The following GPATCH8 variants were observed in gnomAD, a reference collection of about 807,000 sequenced individuals.
GPATCH8 encodes the protein G-patch domain containing 8.
Under a neutral mutation model 118.3 loss-of-function variants are expected in GPATCH8, and 18 were observed. That is an observed-to-expected ratio of 0.15 (90% confidence interval 0.11 to 0.23). GPATCH8 has a LOEUF of 0.23. Ranked by LOEUF, GPATCH8 falls within the 10% of genes least tolerant of loss-of-function variation. The pLI, the probability that GPATCH8 is intolerant of heterozygous loss-of-function variation, is 1.00. For missense variants in GPATCH8, 1,631 were observed against 1,873.8 expected, an observed-to-expected ratio of 0.87 and a Z score of 2.39; for synonymous variants, 659 against 684.7, an observed-to-expected ratio of 0.96 and a Z score of 0.59.
chr17:44,464,960 A>G (rs2051703359), intron 2 of GPATCH8: 1 of 187,462 alleles, frequency 5.3e-6, no homozygotes, highest in Admixed American at 5.5e-5. Flanking sequence ...GAAAATCTAC[A>G]CTGTGTTTAG....
chr17:44,488,817 T>A (rs1370114613), intron 1 of GPATCH8, among the ~76,000 whole-genome samples: 1 of 151,676 alleles, frequency 6.6e-6, no homozygotes, highest in Admixed American at 6.6e-5. Flanking sequence ...CCAGGCACGG[T>A]GGCTCATGCC....
intron 5 of GPATCH8, among the ~76,000 whole-genome samples, chr17:44,431,928 T>C (rs1294067770): frequency 6.6e-6 from 1 of 151,834 alleles, no homozygotes; most frequent in African/African-American, 2.4e-5. Flanking sequence ...CCCATCTCTA[T>C]AAAATTAGAG....
rs201298844 is a variant in GPATCH8 at position 44,401,034 on chromosome 17, T to C, written c.1043A>G (p.Asp348Gly). 90 of 1,613,932 alleles carry C rather than the reference T, an allele frequency of 5.6e-5. No individual in the cohort carries two copies. Among genetic ancestry groups the C allele is most frequent in the Non-Finnish European group, 7.5e-5 (88 of 1,179,988 alleles). ...ATCAAGATTACTGCTCCCATCAGAG[T>C]CTCCTACCTTCTGCAGTCCTTGGTC... The part of the protein sequence containing the change: ...SSDQGLQKVG[D>G]SDGSSNLDGK... Residue 348 changes from aspartate to glycine, a missense_variant, in exon 8 of 8, where the codon GAC becomes GGC. Around this residue, in one of 8 missense-constraint regions of GPATCH8, gnomAD observed 405 missense variants for 462.7 expected, o/e 0.88. Coordinates refer to ENST00000591680, the MANE Select transcript of GPATCH8 (RefSeq NM_001002909.4).
chr17:44,414,463 A>T (rs1279807164), intron 6 of GPATCH8, among the ~76,000 whole-genome samples: 1 of 152,048 alleles, frequency 6.6e-6, no homozygotes, highest in East Asian at 1.9e-4. Flanking sequence ...GCACTCCATC[A>T]TGCCCTGCTA....
In GPATCH8 at chr17:44,396,853, C is replaced by G; in HGVS notation, c.*715G>C. 1 of 454,398 alleles carries G rather than the reference C, an allele frequency of 2.2e-6. No homozygotes were observed. Among genetic ancestry groups the G allele is most frequent in the South Asian group, 1.6e-5 (1 of 64,464 alleles). The allele number at this position is 454,398 out of a possible 1,614,324, so 28.1% of individuals were successfully genotyped here. A position where few individuals can be genotyped will look rare whatever the true frequency, so the allele number is the denominator to read the frequency against. ...ATACCCTTCACTTTAGACACATGAG[C>G]TCCTCTCTGGGCCATACAGCTTTTA... On this transcript the variant is annotated 3_prime_UTR_variant, in exon 8 of 8. Coordinates refer to ENST00000591680, the MANE Select transcript of GPATCH8 (RefSeq NM_001002909.4).
intron 3 of GPATCH8, among the ~76,000 whole-genome samples, chr17:44,459,992 T>C (rs1353449632): frequency 3.3e-5 from 5 of 152,216 alleles, no homozygotes; most frequent in Admixed American, 3.3e-4. Context: ...AATCATCAAA[T>C]AGTACTTACA....
rs542607889 is a variant in GPATCH8 at position 44,399,273 on chromosome 17, T to C, written c.2804A>G (p.Tyr935Cys). 3.2e-5 allele frequency: 51 copies of C among 1,613,930 alleles called. No homozygotes were observed. Among genetic ancestry groups the C allele is most frequent in the Admixed American group, 8.3e-5 (5 of 60,014 alleles). The change falls in exon 8 of 8, where the codon TAT becomes TGT. Residue 935 changes from tyrosine to cysteine, a missense_variant. Physicochemically the swap from Tyr to Cys is radical, Grantham distance 194. This residue lies in a region of GPATCH8 where 922 missense variants were observed against 879.7 expected (regional missense o/e 1.05). Coordinates refer to ENST00000591680, the MANE Select transcript of GPATCH8 (RefSeq NM_001002909.4). ...TCGGGACTGGCTGCAACTGAGGCTA[T>C]AGTCATCATCAGAAGATGAATATTT... The part of the protein sequence containing the change: ...RHKYSSSDDD[Y>C]SLSCSQSRSR...
At chr17:44,438,292 A>G (rs1033354763) in intron 3 of GPATCH8, among the ~76,000 whole-genome samples, 4 of 152,170 alleles carry the variant, frequency 2.6e-5, no homozygotes, top group African/African-American at 9.6e-5. Context: ...TTTGGTACAA[A>G]TTCATTACCT....
At position 44,398,038 on chromosome 17, in the gene GPATCH8, C is replaced by T; in HGVS notation, c.4039G>A (p.Ala1347Thr). Residue 1347 changes from alanine (A) to threonine (T), a missense_variant, in exon 8 of 8, where the codon GCT becomes ACT. Physicochemically the swap from Ala to Thr is moderately conservative, Grantham distance 58. This residue lies in a region of GPATCH8 where 111 missense variants were observed against 112.4 expected (regional missense o/e 0.99). Coordinates refer to ENST00000591680, the MANE Select transcript of GPATCH8 (RefSeq NM_001002909.4). ...AKQVKAFPAS[A>T]ALAPATPALQ... ...GCTGGTGTGGCTGGGGCCAGGGCAG[C>T]TGAGGCTGGAAAGGCCTTTACTTGC... 1 of 1,613,992 alleles carries T rather than the reference C, an allele frequency of 6.2e-7. No homozygotes were observed. Among genetic ancestry groups the T allele is most frequent in the Non-Finnish European group, 8.5e-7 (1 of 1,179,906 alleles).
In GPATCH8 at chr17:44,451,954, G is replaced by A. The variant is rs559851696; in HGVS notation, c.193+12518C>T. On this transcript the variant is annotated intron_variant, in intron 3 of 7. Coordinates refer to ENST00000591680, the MANE Select transcript of GPATCH8 (RefSeq NM_001002909.4). ...TTAAAAGCATAGGTTTTGGCACCAA[G>A]ATTCTACCACTTATCTGCTGTAAGA... Among the ~76,000 whole-genome samples, 39 of 152,256 alleles carry A rather than the reference G, an allele frequency of 2.6e-4. 2 individuals are homozygous for A. In the South Asian group the frequency reaches 6.4e-3, roughly 25 times the overall value.
At position 44,499,135 on chromosome 17, in the gene GPATCH8, C is replaced by T. The variant is rs7502344; in HGVS notation, c.45+4191G>A. On this transcript the variant is annotated intron_variant, in intron 1 of 7. Coordinates refer to ENST00000591680, the MANE Select transcript of GPATCH8 (RefSeq NM_001002909.4). The stretch of plus-strand genomic sequence containing the variant: ...TCTTGTTTCTCTTATCAACTTATCA[C>T]TCACTGATCTATTACTGTAGTTCCT... Among the ~76,000 whole-genome samples, 418 of 152,266 alleles carry T rather than the reference C, an allele frequency of 2.7e-3. 3 individuals are homozygous for T. Among genetic ancestry groups the T allele is most frequent in the Admixed American group, 0.015 (236 of 15,286 alleles).
intron 1 of GPATCH8, among the ~76,000 whole-genome samples, chr17:44,487,585 G>A (rs1968884353): frequency 6.6e-6 from 1 of 152,200 alleles, no homozygotes; most frequent in Non-Finnish European, 1.5e-5. Flanking sequence ...CTGCCAAACT[G>A]TCTTGTCTTC....
intron 3 of GPATCH8, among the ~76,000 whole-genome samples, chr17:44,459,960 T>A (rs1320040719): frequency 6.6e-6 from 1 of 152,236 alleles, no homozygotes; most frequent in Non-Finnish European, 1.5e-5. Flanking sequence ...TAAACTTTTG[T>A]CTGTCACCAA....
rs576888018 is a variant in GPATCH8, at chr17:44,439,061, T to C, written c.194-2516A>G. ...TATTCAGGGCCCAAGGTAGGACTTTTAAAAGAAATGACATCTAAGACTCTA... is the reference window on the plus strand; with the variant it reads ...TATTCAGGGCCCAAGGTAGGACTTTCAAAAGAAATGACATCTAAGACTCTA... On this transcript the variant is annotated intron_variant, in intron 3 of 7. Coordinates refer to ENST00000591680, the MANE Select transcript of GPATCH8 (RefSeq NM_001002909.4). Among the ~76,000 whole-genome samples the C allele has an allele frequency of 1.1e-4, 17 of 152,160 alleles. 1 individual carries two copies. The highest frequency in any genetic ancestry group is 1.3e-4 in the Admixed American group (2 of 15,268).
intron 6 of GPATCH8, among the ~76,000 whole-genome samples, chr17:44,413,621 G>A (rs534803189): frequency 1.7e-4 from 26 of 152,044 alleles, no homozygotes; most frequent in Non-Finnish European, 3.7e-4. Context: ...GACCATAGAT[G>A]CGTGCCACCA....
chr17:44,470,007 T>C (rs186194019), intron 2 of GPATCH8, among the ~76,000 whole-genome samples: 1 of 152,222 alleles, frequency 6.6e-6, no homozygotes, highest in East Asian at 1.9e-4. Flanking sequence ...GCAACTGGAG[T>C]TTGAAGCTTA....
intron 3 of GPATCH8, among the ~76,000 whole-genome samples, chr17:44,448,029 T>A (rs964921792): frequency 2.6e-5 from 4 of 152,088 alleles, no homozygotes; most frequent in African/African-American, 9.7e-5. Context: ...CTGCAACCTC[T>A]GCCTCCCAGG....
intron 1 of GPATCH8, among the ~76,000 whole-genome samples, chr17:44,499,219 C>A (rs1324892596): frequency 6.6e-6 from 1 of 152,182 alleles, no homozygotes; most frequent in Non-Finnish European, 1.5e-5. Flanking sequence ...GTAATCCCAG[C>A]ACTTTGGGAG....
chr17:44,492,694 T>C (rs1969349708), intron 1 of GPATCH8, among the ~76,000 whole-genome samples: 1 of 152,148 alleles, frequency 6.6e-6, no homozygotes, highest in African/African-American at 2.4e-5. Flanking sequence ...ACATGTAATA[T>C]AGCTGGCAAC....
Sources: allele counts gnomAD v4.1 joint callset (sites outside exome capture counted in the v4.1 genomes callset), GRCh38; gene constraint gnomAD v4.1.1; regional missense constraint gnomAD v4.1.1; transcripts MANE v1.5; gene names NCBI Gene and HGNC (gene_info 2026-07-23, HGNC 2026-07-21).